The following DCLK1 variants were observed in gnomAD, a reference collection of about 807,000 sequenced individuals.
DCLK1 encodes the protein doublecortin like kinase 1.
Under a neutral mutation model 86.2 loss-of-function variants are expected in DCLK1, and 16 were observed. The ratio of observed to expected loss-of-function variants is 0.19; its 90% CI spans 0.13 to 0.28. The LOEUF (loss-of-function observed/expected upper bound fraction) is 0.28. DCLK1 is among the 10% of genes least tolerant of loss of function. The pLI is 1.00. For synonymous variants in DCLK1, 369 were observed against 370.5 expected (o/e 1.00, Z 0.05); for missense variants, 590 against 940.2 (o/e 0.63, Z 4.87).
At chr13:36,016,586 T>C (rs570185285) in intron 3 of DCLK1, among the ~76,000 whole-genome samples, 7 of 152,262 alleles carry the variant, frequency 4.6e-5, no homozygotes, top group Non-Finnish European at 1.0e-4. Context: ...TTCCCTATCA[T>C]TCATCTCACG....
At chr13:36,007,398 T>C (rs775173237) in intron 3 of DCLK1, among the ~76,000 whole-genome samples, 1 of 152,232 alleles carries the variant, frequency 6.6e-6, no homozygotes, top group Non-Finnish European at 1.5e-5. Flanking sequence ...CAAATGTGAA[T>C]ATAGAATCAT....
intron 11 of DCLK1, among the ~76,000 whole-genome samples, chr13:35,816,953 T>C (rs998558908): frequency 1.3e-5 from 2 of 152,222 alleles, no homozygotes; most frequent in Non-Finnish European, 2.9e-5. Context: ...GTTTTGGTTA[T>C]ATATTACCAA....
chr13:35,965,928 T>C (rs991623308), intron 3 of DCLK1, among the ~76,000 whole-genome samples: 10 of 152,024 alleles, frequency 6.6e-5, no homozygotes, highest in Non-Finnish European at 1.3e-4. Context: ...ACAGGGAGAG[T>C]TCCTAGACAT....
intron 3 of DCLK1, among the ~76,000 whole-genome samples, chr13:35,952,264 T>G (rs1877734135): frequency 6.6e-6 from 1 of 152,318 alleles, no homozygotes; most frequent in Middle Eastern, 3.4e-3. Flanking sequence ...CTAAGTTGAT[T>G]TGAAGAAAAT....
At chr13:36,116,621 A>T (rs78059261) in intron 2 of DCLK1, among the ~76,000 whole-genome samples, 85 of 152,260 alleles carry the variant, frequency 5.6e-4, no homozygotes, top group African/African-American at 1.9e-3. Context: ...CATCCTTCAC[A>T]TTACTAGAGC....
intron 5 of DCLK1, among the ~76,000 whole-genome samples, chr13:35,865,182 G>T (rs998470656): frequency 1.3e-5 from 2 of 151,818 alleles, no homozygotes; most frequent in Non-Finnish European, 2.9e-5. Flanking sequence ...AAAAAAAATT[G>T]CTTAAAAGAA....
At chr13:36,100,549 C>T (rs1342955024) in intron 3 of DCLK1, among the ~76,000 whole-genome samples, 2 of 152,154 alleles carry the variant, frequency 1.3e-5, no homozygotes, top group African/African-American at 2.4e-5. Flanking sequence ...TTTACTGGTT[C>T]TTTGTATACA....
At chr13:35,833,004 T>G (rs1259278219) in intron 8 of DCLK1, among the ~76,000 whole-genome samples, 2 of 152,180 alleles carry the variant, frequency 1.3e-5, no homozygotes, top group Non-Finnish European at 2.9e-5. Flanking sequence ...TTTTGAAGAT[T>G]TTCTAGGTGG....
chr13:35,963,955 T>C (rs1026957218), intron 3 of DCLK1, among the ~76,000 whole-genome samples: 1 of 152,212 alleles, frequency 6.6e-6, no homozygotes, highest in African/African-American at 2.4e-5. Flanking sequence ...AACAGACTAA[T>C]ACAATGGTAG....
At position 36,126,000 on chromosome 13, in the gene DCLK1, C is replaced by G. The variant is rs1352265607; in HGVS notation, c.138G>C (p.Thr46=). The change falls in exon 2 of 17, where the codon ACG becomes ACC. Residue 46 remains threonine (T), a synonymous_variant. Coordinates refer to ENST00000360631, the MANE Select transcript of DCLK1 (RefSeq NM_001330071.2). ...TCTTCTCGGAGCTGAGCGTCTGCAGCGTGCGGGTGCGGTAGAAGCTGCAGT... is the reference window on the plus strand; with the variant it reads ...TCTTCTCGGAGCTGAGCGTCTGCAGGGTGCGGGTGCGGTAGAAGCTGCAGT... The part of the protein sequence containing the change: ...SAHCSFYRTR[T]LQTLSSEKKA... 1 of 1,614,094 alleles carries G rather than the reference C, an allele frequency of 6.2e-7. No individual in the cohort carries two copies.
At chr13:36,089,007 A>T (rs1329766826) in intron 3 of DCLK1, among the ~76,000 whole-genome samples, 3 of 152,256 alleles carry the variant, frequency 2.0e-5, no homozygotes, top group Non-Finnish European at 2.9e-5. Context: ...AAAAGAAACA[A>T]AATTTTATTC....
At chr13:35,794,199 C>T (rs1333680570) in intron 15 of DCLK1, among the ~76,000 whole-genome samples, 1 of 152,120 alleles carries the variant, frequency 6.6e-6, no homozygotes, top group Non-Finnish European at 1.5e-5. Context: ...TATGTGCCAC[C>T]ACTTACTAGA....
At chr13:35,947,546 C>A in intron 3 of DCLK1, 89 bp from the exon 4 acceptor site, 1 of 1,016,796 alleles carries the variant, frequency 9.8e-7, no homozygotes, top group Non-Finnish European at 1.5e-6. Context: ...GCATAAAGCC[C>A]CTTCCCACCT....
At chr13:36,101,159 T>G (rs896670762) in intron 3 of DCLK1, among the ~76,000 whole-genome samples, 10 of 152,146 alleles carry the variant, frequency 6.6e-5, no homozygotes, top group Non-Finnish European at 1.2e-4. Context: ...TGCAGCGTAT[T>G]GAGGGGAGAT....
intron 11 of DCLK1, among the ~76,000 whole-genome samples, chr13:35,818,227 A>G (rs906748236): frequency 2.6e-5 from 4 of 152,164 alleles, no homozygotes; most frequent in African/African-American, 9.7e-5. Context: ...CCACCAGTGC[A>G]GTTAGCTATC....
rs566857934 is a variant in DCLK1, at chr13:35,878,208, T to C, written c.824-6868A>G. Among the ~76,000 whole-genome samples the C allele has an allele frequency of 7.9e-5, 12 of 152,326 alleles. No individual in the cohort carries two copies. In the East Asian group the frequency reaches 2.1e-3, roughly 27 times the overall value. On this transcript the variant is annotated intron_variant, in intron 4 of 16. Transcript: ENST00000360631. ...GCTGAACAAAGCCATCCTGGTATAA[T>C]GGACAACTAAAATTTACTTTCTATA... is the stretch of plus-strand genomic sequence containing the variant.
chr13:36,002,732 C>A (rs748507774), intron 3 of DCLK1, among the ~76,000 whole-genome samples: 50 of 152,148 alleles, frequency 3.3e-4, no homozygotes, highest in Admixed American at 8.5e-4. Context: ...CATACATGTT[C>A]TTTTAGGTTG....
rs1345135508 is a variant in DCLK1 at position 35,827,643 on chromosome 13, A to G, written c.1399T>C (p.Leu467=). The change falls in exon 10 of 17, where the codon TTA becomes CTA. Residue 467 remains leucine, a synonymous_variant. Transcript: ENST00000360631. The part of the protein sequence containing the change: ...VPTELYLVME[L]VKGGDLFDAI... ...CTTTCCAAAATACACACCTTTACTAATTCCATGACAAGATACAGTTCAGTT... is the reference window on the plus strand; with the variant it reads ...CTTTCCAAAATACACACCTTTACTAGTTCCATGACAAGATACAGTTCAGTT... 2 of 1,613,996 alleles carry G rather than the reference A, an allele frequency of 1.2e-6. No homozygotes were observed. Among genetic ancestry groups the G allele is most frequent in the Non-Finnish European group, 8.5e-7 (1 of 1,179,980 alleles).
At chr13:35,837,674 G>A (rs1018991837) in intron 7 of DCLK1, among the ~76,000 whole-genome samples, 2 of 152,146 alleles carry the variant, frequency 1.3e-5, no homozygotes, top group African/African-American at 4.8e-5. Flanking sequence ...CTGCCTTCTG[G>A]TGGGAGCATT....
Sources: allele counts gnomAD v4.1 joint callset (sites outside exome capture counted in the v4.1 genomes callset), GRCh38; gene constraint gnomAD v4.1.1; transcripts MANE v1.5; gene names NCBI Gene and HGNC (gene_info 2026-07-23, HGNC 2026-07-21).